CTNND2: variants seen among roughly 807,000 people sequenced by gnomAD.
CTNND2 encodes catenin delta-2.
Under a neutral mutation model 144.4 loss-of-function variants are expected in CTNND2, and 22 were observed. That is an observed-to-expected ratio of 0.15 (90% CI 0.11 to 0.22). CTNND2 has a LOEUF of 0.22. CTNND2 is among the 10% of genes least tolerant of loss of function. CTNND2 has a pLI of 1.00. For synonymous variants in CTNND2, 751 were observed against 695.6 expected (o/e 1.08, Z -1.25); for missense variants, 1,353 against 1,618.8 (o/e 0.84, Z 2.82).
intron 1 of CTNND2, among the ~76,000 whole-genome samples, chr5:11,897,105 AT>A: frequency 6.6e-6 from 1 of 152,304 alleles, no homozygotes; most frequent in African/African-American, 2.4e-5. Context: ...TGGTTTCCCC[AT>A]GACCCCAAGA....
At chr5:11,091,523 C>T (rs1750774072) in intron 15 of CTNND2, among the ~76,000 whole-genome samples, 1 of 152,034 alleles carries the variant, frequency 6.6e-6, no homozygotes, top group South Asian at 2.1e-4. Context: ...AGTTGTATGC[C>T]AGACATTCTC....
At chr5:11,879,240 TAC>T (rs1305774142) in intron 1 of CTNND2, among the ~76,000 whole-genome samples, 2 of 151,348 alleles carry the variant, frequency 1.3e-5, no homozygotes, top group Non-Finnish European at 2.9e-5. Flanking sequence ...CAGAGGGAGA[TAC>T]AGTTAAAATT....
chr5:11,824,911 T>C (rs1233127762), intron 1 of CTNND2, among the ~76,000 whole-genome samples: 2 of 152,140 alleles, frequency 1.3e-5, no homozygotes, highest in African/African-American at 2.4e-5. Flanking sequence ...AGCTGCAAGA[T>C]AATCAGAGTG....
At chr5:11,080,907 C>T (rs1394009609) in intron 16 of CTNND2, among the ~76,000 whole-genome samples, 1 of 152,118 alleles carries the variant, frequency 6.6e-6, no homozygotes, top group African/African-American at 2.4e-5. Flanking sequence ...GAGGCCCCAC[C>T]TCCACTAAAA....
intron 12 of CTNND2, among the ~76,000 whole-genome samples, chr5:11,153,808 C>T (rs916324312): frequency 2.6e-5 from 4 of 152,118 alleles, no homozygotes; most frequent in Non-Finnish European, 1.5e-5. Context: ...AACGACTCAG[C>T]GGCACCGGGA....
At position 11,894,768 on chromosome 5, in the gene CTNND2, G is replaced by A. The variant is rs759732138; in HGVS notation, c.37+9049C>T. Among the ~76,000 whole-genome samples, 4 of 152,188 alleles carry A rather than the reference G, an allele frequency of 2.6e-5. 1 individual carries two copies. Among genetic ancestry groups the A allele is most frequent in the Admixed American group, 1.3e-4 (2 of 15,274 alleles). On this transcript the variant is annotated intron_variant, in intron 1 of 21. Coordinates refer to ENST00000304623, the MANE Select transcript of CTNND2 (RefSeq NM_001332.4). ...ACAAGAGAAGGCAAGTGCCAAGCAC[G>A]ATTTAGATCCCAGAACTTGGCATCC...
intron 12 of CTNND2, among the ~76,000 whole-genome samples, chr5:11,146,970 T>G (rs10041627): frequency 0.63 from 95,921 of 151,980 alleles, 30,300 homozygotes; most frequent in East Asian, 0.73. Flanking sequence ...GAGTGAAAAG[T>G]TTCCTTGCTT....
chr5:11,801,465 G>C (rs969529805), intron 1 of CTNND2, among the ~76,000 whole-genome samples: 4 of 152,184 alleles, frequency 2.6e-5, no homozygotes, highest in Admixed American at 2.6e-4. Context: ...TAGGCACAGA[G>C]ATGTGTAAAG....
intron 3 of CTNND2, among the ~76,000 whole-genome samples, chr5:11,545,000 T>C (rs1775091931): frequency 6.6e-6 from 1 of 151,698 alleles, no homozygotes; most frequent in Admixed American, 6.6e-5. Flanking sequence ...CGCGTGTCTG[T>C]AATCCCAGCT....
chr5:11,321,503 T>C (rs76421768), intron 9 of CTNND2, among the ~76,000 whole-genome samples: 102 of 152,328 alleles, frequency 6.7e-4, no homozygotes, highest in African/African-American at 2.4e-3. Flanking sequence ...CTGCACATAT[T>C]GCTATTTAAG....
chr5:11,346,864 G>A (rs1169617228), intron 8 of CTNND2, among the ~76,000 whole-genome samples: 1 of 152,208 alleles, frequency 6.6e-6, no homozygotes, highest in Non-Finnish European at 1.5e-5. Context: ...TCTGTTGTGT[G>A]TATATCGCTT....
intron 9 of CTNND2, among the ~76,000 whole-genome samples, chr5:11,246,893 G>A (rs1049494998): frequency 6.6e-6 from 1 of 152,126 alleles, no homozygotes; most frequent in Non-Finnish European, 1.5e-5. Flanking sequence ...GAAGGTCACG[G>A]GGTGAAGAGA....
intron 3 of CTNND2, among the ~76,000 whole-genome samples, chr5:11,560,063 C>G (rs1250942387): frequency 6.6e-6 from 1 of 152,188 alleles, no homozygotes; most frequent in Non-Finnish European, 1.5e-5. Context: ...TCTGCTGTGG[C>G]TTCCTAATTG....
At chr5:11,621,550 A>G (rs990773457) in intron 2 of CTNND2, among the ~76,000 whole-genome samples, 8 of 152,198 alleles carry the variant, frequency 5.3e-5, no homozygotes, top group Non-Finnish European at 1.0e-4. Context: ...GCTTATAGAA[A>G]TACATTTAAA....
chr5:11,692,799 G>A (rs1054184578), intron 2 of CTNND2, among the ~76,000 whole-genome samples: 9 of 152,108 alleles, frequency 5.9e-5, no homozygotes, highest in Non-Finnish European at 1.3e-4. Flanking sequence ...ACGGGGTTTC[G>A]CCATGTTGGC....
chr5:11,412,542 T>C (rs555957535), intron 3 of CTNND2, among the ~76,000 whole-genome samples: 2 of 152,234 alleles, frequency 1.3e-5, no homozygotes, highest in South Asian at 4.1e-4. Flanking sequence ...TTTAAGAGTT[T>C]AAGTAATTTA....
intron 2 of CTNND2, among the ~76,000 whole-genome samples, chr5:11,670,235 G>T (rs1431927109): frequency 3.3e-5 from 5 of 152,160 alleles, no homozygotes; most frequent in Admixed American, 3.3e-4. Flanking sequence ...GTTGATTTGG[G>T]GTGGAGAGCT....
At chr5:11,318,230 C>T (rs529747171) in intron 9 of CTNND2, among the ~76,000 whole-genome samples, 3 of 152,288 alleles carry the variant, frequency 2.0e-5, no homozygotes, top group South Asian at 4.1e-4. Flanking sequence ...CCCCACCAGG[C>T]TAGACCCAAA....
At chr5:11,157,820 A>G (rs1007779529) in intron 12 of CTNND2, among the ~76,000 whole-genome samples, 2 of 152,238 alleles carry the variant, frequency 1.3e-5, no homozygotes, top group Admixed American at 6.5e-5. Context: ...CCTGGCCAGC[A>G]GCAGAAGCAG....
Sources: allele counts gnomAD v4.1 joint callset (sites outside exome capture counted in the v4.1 genomes callset), GRCh38; gene constraint gnomAD v4.1.1; transcripts MANE v1.5; gene names NCBI Gene and HGNC (gene_info 2026-07-23, HGNC 2026-07-21).